The following STAG1 variants were observed in gnomAD, a reference collection of about 807,000 sequenced individuals.
STAG1 encodes cohesin subunit SA-1.
In STAG1, 26 loss-of-function variants were observed where a neutral mutation model predicts 170.9. The ratio of observed to expected loss-of-function variants is 0.15; its 90% CI spans 0.11 to 0.21. The LOEUF (loss-of-function observed/expected upper bound fraction) is 0.21, where lower values mean the gene tolerates loss of function less well. Among genes scored for constraint, STAG1 ranks in the 10% least tolerant of loss-of-function variants. The probability of loss-of-function intolerance (pLI) is 1.00; values close to 1 mark genes in which losing one functional copy is unlikely to be tolerated. For synonymous variants in STAG1, 514 were observed against 497.7 expected (o/e 1.03, Z -0.44); for missense variants, 964 against 1,509.5 (o/e 0.64, Z 5.99).
chr3:136,573,953 A>G (rs1314821365), intron 4 of STAG1, among the ~76,000 whole-genome samples: 1 of 151,974 alleles, frequency 6.6e-6, no homozygotes, highest in Non-Finnish European at 1.5e-5. Flanking sequence ...CCTTGGCCCC[A>G]GAGTGAGACG....
intron 1 of STAG1, among the ~76,000 whole-genome samples, chr3:136,657,884 A>G (rs1486115444): frequency 6.6e-6 from 1 of 152,224 alleles, no homozygotes; most frequent in Non-Finnish European, 1.5e-5. Flanking sequence ...AATAGTAGCT[A>G]TGAGTTGTGG....
At chr3:136,734,777 T>C (rs1048504216) in intron 1 of STAG1, among the ~76,000 whole-genome samples, 2 of 152,224 alleles carry the variant, frequency 1.3e-5, no homozygotes, top group Non-Finnish European at 2.9e-5. Flanking sequence ...TACATATTTA[T>C]CAATTTTGTA....
intron 14 of STAG1, among the ~76,000 whole-genome samples, 191 bp downstream of exon 14, chr3:136,451,842 C>T (rs1414335627): frequency 1.3e-5 from 2 of 151,808 alleles, no homozygotes; most frequent in African/African-American, 4.8e-5. Context: ...CAGTGTTGAT[C>T]CACACCTACA....
chr3:136,674,193 A>AGGAGGGAG (rs1559943569), intron 1 of STAG1, among the ~76,000 whole-genome samples: 6 of 82,766 alleles, frequency 7.2e-5, no homozygotes, highest in African/African-American at 2.9e-4. Flanking sequence ...GAGGGAGGGA[A>AGGAGGGAG]GGAGGGAAGG....
At chr3:136,499,394 TCAAGTGATCCTCCCACCTTAGCCTCC>T (rs1290976368) in intron 9 of STAG1, among the ~76,000 whole-genome samples, 1 of 152,134 alleles carries the variant, frequency 6.6e-6, no homozygotes, top group Non-Finnish European at 1.5e-5. Context: ...ACTCCTGGCC[TCAAGTGATCCTCCCACCTTAGCCTCC>T]CAAAGTGTTA....
intron 7 of STAG1, among the ~76,000 whole-genome samples, chr3:136,503,742 A>T (rs1933606217): frequency 6.7e-6 from 1 of 149,636 alleles, no homozygotes; most frequent in Admixed American, 6.6e-5. Flanking sequence ...CATTATTTTT[A>T]TTTTTTTTTT....
intron 23 of STAG1, among the ~76,000 whole-genome samples, chr3:136,371,837 A>G (rs1001346249): frequency 1.3e-5 from 2 of 152,128 alleles, no homozygotes; most frequent in Non-Finnish European, 2.9e-5. Context: ...TTGGCAATAC[A>G]GGCTCTTTTT....
intron 1 of STAG1, among the ~76,000 whole-genome samples, chr3:136,686,235 A>C (rs1942515865): frequency 6.6e-6 from 1 of 152,170 alleles, no homozygotes; most frequent in South Asian, 2.1e-4. Flanking sequence ...AGTAACTCCA[A>C]TTCACATAAT....
intron 4 of STAG1, among the ~76,000 whole-genome samples, chr3:136,593,204 T>C (rs1036756978): frequency 2.0e-5 from 3 of 152,212 alleles, no homozygotes; most frequent in African/African-American, 7.2e-5. Context: ...GGATATAAAC[T>C]GGAACAGTTC....
chr3:136,439,417 CACACACACACACACACACACACACAA>C (rs1163956952), intron 15 of STAG1, among the ~76,000 whole-genome samples: 9 of 140,958 alleles, frequency 6.4e-5, no homozygotes, highest in Admixed American at 4.9e-4. Context: ...CACACACACA[CACACACACACACACACACACACACAA>C]ACACTGTAAG....
intron 1 of STAG1, among the ~76,000 whole-genome samples, chr3:136,686,690 A>C (rs1942542642): frequency 6.6e-6 from 1 of 152,202 alleles, no homozygotes; most frequent in South Asian, 2.1e-4. Flanking sequence ...ACAGATCAAA[A>C]AGTCTAGATG....
intron 6 of STAG1, among the ~76,000 whole-genome samples, chr3:136,534,692 A>G (rs1935538821): frequency 6.6e-6 from 1 of 152,232 alleles, no homozygotes; most frequent in Admixed American, 6.5e-5. Context: ...TAAATGGGCA[A>G]TGAGATATCA....
chr3:136,536,979 G>A (rs1046450693), intron 6 of STAG1, among the ~76,000 whole-genome samples: 5 of 152,052 alleles, frequency 3.3e-5, no homozygotes, highest in African/African-American at 7.2e-5. Flanking sequence ...ATTTGCTCTT[G>A]TCCCCAATAG....
chr3:136,726,177 T>C (rs778510335), intron 1 of STAG1, among the ~76,000 whole-genome samples: 11 of 152,172 alleles, frequency 7.2e-5, no homozygotes, highest in Non-Finnish European at 1.6e-4. Context: ...AATAGTTGTT[T>C]ACTGTTCTGT....
chr3:136,433,832 G>T (rs1264151596), intron 15 of STAG1, among the ~76,000 whole-genome samples, 173 bp from the exon 16 acceptor site: 1 of 151,802 alleles, frequency 6.6e-6, no homozygotes, highest in Non-Finnish European at 1.5e-5. Flanking sequence ...TGTGCTTGCT[G>T]TCATAAGTCA....
Position 136,398,803 on chromosome 3 carries a change from G to T in STAG1, c.2223C>A (p.Ser741=). ...CCAACTGCCAAAGAATCGAATAATG[G>T]GAACACTGCAGTGCTTGCACGACTA... The part of the protein sequence containing the change: ...EQIVVQALQC[S]HYSILWQLVK... The change falls in exon 22 of 34, where the codon TCC becomes TCA. Residue 741 remains serine (S), a synonymous_variant. Transcript: ENST00000383202. 6.3e-7 allele frequency: 1 copy of T among 1,597,536 alleles called. No individual in the cohort carries two copies. Among genetic ancestry groups the T allele is most frequent in the Non-Finnish European group, 8.5e-7 (1 of 1,171,190 alleles).
intron 20 of STAG1, among the ~76,000 whole-genome samples, chr3:136,419,497 T>C (rs1290816618): frequency 2.0e-5 from 3 of 151,948 alleles, no homozygotes; most frequent in African/African-American, 7.2e-5. Context: ...TGCCCTGAGG[T>C]GCAGTGGTGT....
chr3:136,476,229 T>G (rs2089745784), intron 10 of STAG1, among the ~76,000 whole-genome samples: 1 of 152,164 alleles, frequency 6.6e-6, no homozygotes, highest in Non-Finnish European at 1.5e-5. Flanking sequence ...TGTCTTGATA[T>G]AATACACAGA....
intron 15 of STAG1, among the ~76,000 whole-genome samples, chr3:136,435,442 A>G (rs1472831537): frequency 1.3e-5 from 2 of 152,148 alleles, no homozygotes; most frequent in East Asian, 3.9e-4. Flanking sequence ...CTGTCTTTTC[A>G]GCATAAGCTT....
Sources: gnomAD v4.1 joint callset for allele counts (sites outside exome capture counted in the v4.1 genomes callset) on GRCh38, gnomAD v4.1.1 for gene constraint, MANE v1.5 for transcripts, NCBI Gene and HGNC (gene_info 2026-07-23, HGNC 2026-07-21) for gene names.